The following CCDC146 variants were observed in gnomAD, a reference collection of about 807,000 sequenced individuals.
CCDC146 encodes coiled-coil domain-containing protein 146.
CCDC146 carries 92 observed loss-of-function variants against 119.3 expected under a neutral mutation model. That is an observed-to-expected ratio of 0.77 (90% CI 0.65 to 0.92). CCDC146 has a LOEUF of 0.92. CCDC146 is among the 40% of genes least tolerant of loss of function. CCDC146 has a pLI of 0.00. For synonymous variants in CCDC146, 372 were observed against 371.8 expected (o/e 1.00, Z -0.01); for missense variants, 1,000 against 1,103.0 (o/e 0.91, Z 1.32).
chr7:77,137,054 A>G (rs1298428730), intron 1 of CCDC146, among the ~76,000 whole-genome samples: 2 of 152,226 alleles, frequency 1.3e-5, no homozygotes, highest in Non-Finnish European at 2.9e-5. Flanking sequence ...TGCAAAGCCC[A>G]TTCATGATAA....
At chr7:77,265,827 C>G (rs535301314) in intron 9 of CCDC146, among the ~76,000 whole-genome samples, 2 of 152,186 alleles carry the variant, frequency 1.3e-5, no homozygotes, top group Admixed American at 1.3e-4. Flanking sequence ...AAACAGGTGG[C>G]CTTTTGCCTC....
chr7:77,268,437 C>T (rs538811485), intron 9 of CCDC146, among the ~76,000 whole-genome samples: 1 of 152,270 alleles, frequency 6.6e-6, no homozygotes, highest in African/African-American at 2.4e-5. Flanking sequence ...CTGCCTTTTT[C>T]TTTCTCAGCC....
At chr7:77,197,945 A>G (rs930148341) in intron 2 of CCDC146, among the ~76,000 whole-genome samples, 4 of 152,194 alleles carry the variant, frequency 2.6e-5, no homozygotes, top group African/African-American at 9.7e-5. Context: ...ATGTGTGACA[A>G]ATAAGGTAAG....
rs762870923 is a variant in CCDC146 at position 77,294,776 on chromosome 7, T to G, written c.2778T>G (p.Pro926=). ...ATGCCACTCTTCCTTTGCCAAAACC[T>G]TATGGTGCTTTGGCTCCTTTTAAAC... ...EADATLPLPK[P]YGALAPFKPS... Residue 926 remains proline, a synonymous_variant, in exon 19 of 19, where the codon CCT becomes CCG. Transcript: ENST00000285871. 1 of 1,614,152 alleles carries G rather than the reference T, an allele frequency of 6.2e-7. No homozygotes were observed. Among genetic ancestry groups the G allele is most frequent in the South Asian group, 1.1e-5 (1 of 91,080 alleles).
At chr7:77,278,549 G>C (rs933722675) in intron 11 of CCDC146, among the ~76,000 whole-genome samples, 1 of 149,236 alleles carries the variant, frequency 6.7e-6, no homozygotes, top group African/African-American at 2.5e-5. Flanking sequence ...GGGCTCGAGC[G>C]ATCCTCCCAC....
intron 2 of CCDC146, among the ~76,000 whole-genome samples, chr7:77,180,903 T>C (rs535800082): frequency 5.3e-5 from 8 of 152,346 alleles, no homozygotes; most frequent in African/African-American, 1.4e-4. Flanking sequence ...TTTTTGACCA[T>C]TGTCACTCTG....
intron 10 of CCDC146, 68 bp downstream of exon 10, chr7:77,273,857 G>A: frequency 1.0e-6 from 1 of 997,058 alleles, no homozygotes; most frequent in African/African-American, 1.6e-5. Context: ...TTTTAACTGT[G>A]CTCCACAAAA....
intron 10 of CCDC146, among the ~76,000 whole-genome samples, chr7:77,274,272 G>A (rs549304976): frequency 6.6e-6 from 1 of 152,168 alleles, no homozygotes; most frequent in South Asian, 2.1e-4. Flanking sequence ...ATCTTGCTAT[G>A]TTGCTCAGGC....
In CCDC146 at chr7:77,222,114, C is replaced by T. The variant is rs538792851; in HGVS notation, c.157-14833C>T. Among the ~76,000 whole-genome samples the T allele has an allele frequency of 8.5e-5, 13 of 152,290 alleles. 1 individual carries two copies. In the South Asian group the frequency reaches 1.0e-3, roughly 12 times the overall value. On this transcript the variant is annotated intron_variant, in intron 2 of 18. Transcript: ENST00000285871. ...AACATGCGGCCAGGATTTCAAGCCC[C>T]CTTACCAGTGAATTAGCAAGAGTGG...
At chr7:77,229,803 A>C (rs563750204) in intron 2 of CCDC146, among the ~76,000 whole-genome samples, 1 of 151,950 alleles carries the variant, frequency 6.6e-6, no homozygotes, top group South Asian at 2.1e-4. Context: ...TTGACATTAA[A>C]GTTTTCTTGA....
intron 2 of CCDC146, among the ~76,000 whole-genome samples, chr7:77,176,785 T>G: frequency 6.6e-6 from 1 of 152,160 alleles, no homozygotes; most frequent in Non-Finnish European, 1.5e-5. Context: ...TGCTTTATTT[T>G]CTATATATTT....
intron 2 of CCDC146, among the ~76,000 whole-genome samples, chr7:77,232,392 A>AT (rs945700140): frequency 1.1e-4 from 17 of 152,062 alleles, no homozygotes; most frequent in Non-Finnish European, 4.4e-5. Context: ...TCAAGTGTGA[A>AT]TTTTTTTACT....
At chr7:77,192,733 G>T (rs1273284649) in intron 2 of CCDC146, among the ~76,000 whole-genome samples, 1 of 151,998 alleles carries the variant, frequency 6.6e-6, no homozygotes, top group African/African-American at 2.4e-5. Context: ...GACCATCCTG[G>T]CTAACATGGT....
chr7:77,230,512 G>A (rs1268881505), intron 2 of CCDC146, among the ~76,000 whole-genome samples: 1 of 151,912 alleles, frequency 6.6e-6, no homozygotes, highest in Non-Finnish European at 1.5e-5. Context: ...GTGTGTGTGT[G>A]TGTGTGTCTG....
chr7:77,292,764 T>TG (rs1793972997), intron 17 of CCDC146, among the ~76,000 whole-genome samples, 188 bp from the exon 18 acceptor site: 1 of 152,178 alleles, frequency 6.6e-6, no homozygotes, highest in African/African-American at 2.4e-5. Flanking sequence ...TTGTCCTTAC[T>TG]TACACAGCCA....
chr7:77,274,580 C>A lies in CCDC146; in HGVS notation c.1368C>A (p.Val456=), dbSNP rs1793593680. 1 of 1,613,332 alleles carries A rather than the reference C, an allele frequency of 6.2e-7. No homozygotes were observed. Among genetic ancestry groups the A allele is most frequent in the South Asian group, 1.1e-5 (1 of 90,972 alleles). The change falls in exon 11 of 19, where the codon GTC becomes GTA. Residue 456 remains valine, a synonymous_variant. Transcript: ENST00000285871. ...AAGAAAACATGAAAGAGCTAGTAGTCAACCTTCTCCGCATGACTCAAATCA... is the reference window on the plus strand; with the variant it reads ...AAGAAAACATGAAAGAGCTAGTAGTAAACCTTCTCCGCATGACTCAAATCA... ...KEQENMKELV[V]NLLRMTQIKI...
At chr7:77,269,040 CTT>C (rs1159883306) in intron 9 of CCDC146, among the ~76,000 whole-genome samples, 1 of 152,180 alleles carries the variant, frequency 6.6e-6, no homozygotes, top group Non-Finnish European at 1.5e-5. Flanking sequence ...AGTTCTGATA[CTT>C]TGTCTTGGAT....
intron 6 of CCDC146, chr7:77,257,054 T>G (rs1316066768): frequency 6.5e-6 from 1 of 153,774 alleles, no homozygotes; most frequent in African/African-American, 2.4e-5. Flanking sequence ...TGCAGTGAGC[T>G]GAGATCGCGC....
chr7:77,144,090 A>C (rs370626455), intron 1 of CCDC146, among the ~76,000 whole-genome samples: 8 of 151,634 alleles, frequency 5.3e-5, no homozygotes, highest in African/African-American at 1.5e-4. Context: ...CTTTTATTTC[A>C]TTGAGCAGTG....
Sources: allele counts gnomAD v4.1 joint callset (sites outside exome capture counted in the v4.1 genomes callset), GRCh38; gene constraint gnomAD v4.1.1; transcripts MANE v1.5; gene names NCBI Gene and HGNC (gene_info 2026-07-23, HGNC 2026-07-21).